Variants in TMEM267 observed in about 807,000 individuals in gnomAD.
TMEM267 encodes the protein transmembrane protein 267, also known as transmembrane protein C5orf28.
TMEM267 carries 20 observed loss-of-function variants against 19.3 expected under a neutral mutation model. The ratio of observed to expected loss-of-function variants is 1.04; its 90% CI spans 0.73 to 1.51. The LOEUF (loss-of-function observed/expected upper bound fraction) is 1.51. Among genes scored for constraint, TMEM267 ranks in the 40% most tolerant of loss-of-function variants. The pLI, the probability that TMEM267 is intolerant of heterozygous loss-of-function variation, is 0.00. For synonymous variants in TMEM267, 88 were observed against 90.3 expected (o/e 0.97, Z 0.15); for missense variants, 242 against 261.9 (o/e 0.92, Z 0.52).
At chr5:43,465,805 G>T (rs1458930323) in intron 1 of TMEM267, among the ~76,000 whole-genome samples, 1 of 152,074 alleles carries the variant, frequency 6.6e-6, no homozygotes, top group East Asian at 1.9e-4. Context: ...GTCCTGTTGT[G>T]GGGTGGGGGA....
At chr5:43,458,175 A>C (rs1353371434) in intron 1 of TMEM267, among the ~76,000 whole-genome samples, 3 of 152,130 alleles carry the variant, frequency 2.0e-5, no homozygotes, top group African/African-American at 7.2e-5. Context: ...AATATGGCTC[A>C]CTGCAGCCTC....
intron 1 of TMEM267, among the ~76,000 whole-genome samples, chr5:43,483,148 C>T (rs999567774): frequency 7.9e-5 from 12 of 152,030 alleles, no homozygotes; most frequent in African/African-American, 2.9e-4. Context: ...TCTGATGCAA[C>T]TAACTGACAA....
rs373610925 is a variant in TMEM267 at position 43,444,841 on chromosome 5, A to G, written c.*1381T>C. On this transcript the variant is annotated 3_prime_UTR_variant, in exon 3 of 3. Coordinates refer to ENST00000397080, the MANE Select transcript of TMEM267 (RefSeq NM_022483.5). ...ATAAGTAGACTGTAATATCTAATCA[A>G]TTGCAAAATATAATAGATTGCAACC... 6.6e-6 allele frequency: 1 copy of G among 152,260 alleles called. No homozygotes were observed. Among genetic ancestry groups the G allele is most frequent in the East Asian group, 1.9e-4 (1 of 5,184 alleles). 9.4% of individuals were successfully genotyped at this position (152,260 alleles called of 1,614,324 possible). A position where few individuals can be genotyped will look rare whatever the true frequency, so the allele number is the denominator to read the frequency against.
intron 2 of TMEM267, among the ~76,000 whole-genome samples, chr5:43,448,630 G>A (rs568455909): frequency 6.6e-6 from 1 of 152,138 alleles, no homozygotes; most frequent in Admixed American, 6.5e-5. Context: ...TACAAAATTA[G>A]CTGGGCATGG....
chr5:43,469,700 C>T (rs376444585), intron 1 of TMEM267, among the ~76,000 whole-genome samples: 2 of 152,188 alleles, frequency 1.3e-5, no homozygotes, highest in Admixed American at 6.5e-5. Context: ...ATCACTAAAT[C>T]AAGAGAAAAG....
At chr5:43,465,836 G>C (rs1193963126) in intron 1 of TMEM267, among the ~76,000 whole-genome samples, 1 of 151,982 alleles carries the variant, frequency 6.6e-6, no homozygotes, top group Admixed American at 6.6e-5. Flanking sequence ...GATAGCATTA[G>C]GACATATACC....
At chr5:43,483,998 T>C (rs1295856456), upstream of TMEM267, 1 of 152,182 alleles carries the variant, frequency 6.6e-6, no homozygotes, top group African/African-American at 2.4e-5. Context: ...AGTTGTTTGG[T>C]GCGGTGGGTA....
intron 1 of TMEM267, among the ~76,000 whole-genome samples, chr5:43,477,147 G>GC (rs938897566): frequency 2.0e-5 from 3 of 151,884 alleles, no homozygotes; most frequent in Non-Finnish European, 2.9e-5. Context: ...AACTACGATC[G>GC]CCCTACTGCA....
chr5:43,452,319 A>G (rs1009272277), intron 2 of TMEM267, among the ~76,000 whole-genome samples: 15 of 152,142 alleles, frequency 9.9e-5, no homozygotes, highest in Non-Finnish European at 5.9e-5. Context: ...ACTGGAGGCC[A>G]TTATCCTTAG....
At chr5:43,448,357 TC>T (rs1399208078) in intron 2 of TMEM267, among the ~76,000 whole-genome samples, 1 of 152,248 alleles carries the variant, frequency 6.6e-6, no homozygotes, top group Non-Finnish European at 1.5e-5. Flanking sequence ...TCATCATTGG[TC>T]CTTTTGCTAA....
At chr5:43,469,695 TA>T (rs1254922281) in intron 1 of TMEM267, among the ~76,000 whole-genome samples, 59 of 152,318 alleles carry the variant, frequency 3.9e-4, no homozygotes, top group African/African-American at 1.4e-3. Flanking sequence ...CTGAAATCAC[TA>T]AATCAAGAGA....
At position 43,454,020 on chromosome 5, in the gene TMEM267, A is replaced by G. The variant is rs1742782812; in HGVS notation, c.-51T>C. Reference sequence around the variant, plus strand: ...AAAAGCCATCAGGAATGAACAGTCTATTCTTGTTTACATTTCCAGCACCCT... The same window carrying G: ...AAAAGCCATCAGGAATGAACAGTCTGTTCTTGTTTACATTTCCAGCACCCT... On this transcript the variant is annotated 5_prime_UTR_variant, in exon 2 of 3. Transcript: ENST00000397080. The G allele has an allele frequency of 1.3e-6, 2 of 1,561,228 alleles. No homozygotes were observed. The highest frequency in any genetic ancestry group is 1.7e-6 in the Non-Finnish European group (2 of 1,154,946).
chr5:43,475,040 G>A (rs1370990522), intron 1 of TMEM267, among the ~76,000 whole-genome samples: 2 of 152,164 alleles, frequency 1.3e-5, no homozygotes, highest in African/African-American at 4.8e-5. Flanking sequence ...TATACCCAAA[G>A]GGTTATAAAT....
At position 43,445,130 on chromosome 5, in the gene TMEM267, T is replaced by G. The variant is rs1040722259; in HGVS notation, c.*1092A>C. 12 of 152,140 alleles carry G rather than the reference T, an allele frequency of 7.9e-5. No individual in the cohort carries two copies. The highest frequency in any genetic ancestry group is 2.9e-4 in the African/African-American group (12 of 41,438). The allele number at this position is 152,140 out of a possible 1,614,324, so 9.4% of individuals were successfully genotyped here. ...TTAGGGCACTGACTTTAATAAACTGTGCAAATATAAGATGTATAGCAACTA... is the reference window on the plus strand; with the variant it reads ...TTAGGGCACTGACTTTAATAAACTGGGCAAATATAAGATGTATAGCAACTA... On this transcript the variant is annotated 3_prime_UTR_variant, in exon 3 of 3. Transcript: ENST00000397080.
intron 1 of TMEM267, among the ~76,000 whole-genome samples, chr5:43,455,105 G>A (rs1742866633): frequency 6.6e-6 from 1 of 152,108 alleles, no homozygotes; most frequent in Admixed American, 6.6e-5. Flanking sequence ...GACTACTTAT[G>A]CCATCTTATT....
chr5:43,445,870 T>C lies in TMEM267; in HGVS notation c.*352A>G, dbSNP rs1356524418. ...ATTAGTTACCCTAAAATTTGAGCTG[T>C]TTTTCATTAGGAAATGGACTAAATT... is the stretch of plus-strand genomic sequence containing the variant. On this transcript the variant is annotated 3_prime_UTR_variant, in exon 3 of 3. Coordinates refer to ENST00000397080, the MANE Select transcript of TMEM267 (RefSeq NM_022483.5). 2 of 155,010 alleles carry C rather than the reference T, an allele frequency of 1.3e-5. No individual in the cohort carries two copies. Among genetic ancestry groups the C allele is most frequent in the Admixed American group, 6.5e-5 (1 of 15,394 alleles). 9.6% of individuals were successfully genotyped at this position (155,010 alleles called of 1,614,324 possible). A position where few individuals can be genotyped will look rare whatever the true frequency, so the allele number is the denominator to read the frequency against.
intron 1 of TMEM267, chr5:43,479,961 C>G (rs1744663883): frequency 2.5e-6 from 1 of 403,158 alleles, no homozygotes; most frequent in African/African-American, 2.2e-5. Flanking sequence ...GAATCATTGT[C>G]TCCTTTAGAA....
At chr5:43,466,062 G>A (rs1743650707) in intron 1 of TMEM267, among the ~76,000 whole-genome samples, 1 of 152,042 alleles carries the variant, frequency 6.6e-6, no homozygotes, top group African/African-American at 2.4e-5. Flanking sequence ...AGATGAGACA[G>A]AGGAAGAGAT....
intron 1 of TMEM267, among the ~76,000 whole-genome samples, chr5:43,474,786 A>G (rs1390117848): frequency 1.3e-5 from 2 of 152,050 alleles, no homozygotes; most frequent in Non-Finnish European, 2.9e-5. Flanking sequence ...AAAATGAAAA[A>G]AGGCTCATCA....
Sources: allele counts gnomAD v4.1 joint callset (sites outside exome capture counted in the v4.1 genomes callset), GRCh38; gene constraint gnomAD v4.1.1; transcripts MANE v1.5; gene names NCBI Gene and HGNC (gene_info 2026-07-23, HGNC 2026-07-21).